The following C17orf107 variants were observed in gnomAD, a reference collection of about 807,000 sequenced individuals.
C17orf107 encodes chromosome 17 open reading frame 107, also known as uncharacterized protein C17orf107.
Under a neutral mutation model 8.9 loss-of-function variants are expected in C17orf107, and 9 were observed. The ratio of observed to expected loss-of-function variants is 1.02; its 90% CI spans 0.61 to 1.77. The LOEUF is 1.77. C17orf107 is among the 40% of genes most tolerant of loss of function. The pLI is 0.00. For synonymous variants in C17orf107, 139 were observed against 120.3 expected (o/e 1.16, Z -1.02); for missense variants, 281 against 249.0 (o/e 1.13, Z -0.86).
Position 4,901,961 on chromosome 17 carries a change from G to A in C17orf107, c.*1428G>A. Reference sequence around the variant, plus strand: ...AAATAAGCGAACAGTTCTGCCAATCGAAGGGGAAGTAGGTGACCTCCACTG... The same window carrying A: ...AAATAAGCGAACAGTTCTGCCAATCAAAGGGGAAGTAGGTGACCTCCACTG... On this transcript the variant is annotated 3_prime_UTR_variant, in exon 3 of 3. Coordinates refer to ENST00000381365, the MANE Select transcript of C17orf107 (RefSeq NM_001145536.2). 6.2e-7 allele frequency: 1 copy of A among 1,613,342 alleles called. No homozygotes were observed. Among genetic ancestry groups the A allele is most frequent in the Non-Finnish European group, 8.5e-7 (1 of 1,179,874 alleles).
rs772147163 is a variant in C17orf107 at position 4,901,888 on chromosome 17, C to T, written c.*1355C>T. ...CGGTTGGCCCCGCCCCATAAGGCCCCCCCCCAACAATAATCGTCCGGGCCT... is the reference window on the plus strand; with the variant it reads ...CGGTTGGCCCCGCCCCATAAGGCCCTCCCCCAACAATAATCGTCCGGGCCT... On this transcript the variant is annotated 3_prime_UTR_variant, in exon 3 of 3. Transcript: ENST00000381365. 5 of 1,597,828 alleles carry T rather than the reference C, an allele frequency of 3.1e-6. No homozygotes were observed. Among genetic ancestry groups the T allele is most frequent in the Admixed American group, 1.7e-5 (1 of 59,944 alleles).
rs758914960 is a variant in C17orf107, at chr17:4,900,078, C to T, written c.209C>T (p.Pro70Leu). 191 of 1,550,924 alleles carry T rather than the reference C, an allele frequency of 1.2e-4. 1 individual carries two copies. The highest frequency in any genetic ancestry group is 1.6e-4 in the Admixed American group (8 of 50,990). The change falls in exon 2 of 3, where the codon CCC becomes CTC. Residue 70 changes from proline (P) to leucine (L), a missense_variant. Coordinates refer to ENST00000381365, the MANE Select transcript of C17orf107 (RefSeq NM_001145536.2). ...CAGGGGATGCTGCCTGCCCCGAAGCCCACCCTGGGGCTGGTGTTGAGAGAA... is the reference window on the plus strand; with the variant it reads ...CAGGGGATGCTGCCTGCCCCGAAGCTCACCCTGGGGCTGGTGTTGAGAGAA... ...KMQGMLPAPK[P>L]TLGLVLREAT...
chr17:4,902,358 C>T lies in C17orf107; in HGVS notation c.*1825C>T, dbSNP rs1567639996. On this transcript the variant is annotated 3_prime_UTR_variant, in exon 3 of 3. Transcript: ENST00000381365. The surrounding 1 kb of genome is among the most constrained non-coding windows in gnomAD (Gnocchi z 4.0). ...GGTGGGGGATGGAAGGCCGCGTGCCCTGCATCTCCCACCTGGCGCTGCCTG... is the reference window on the plus strand; with the variant it reads ...GGTGGGGGATGGAAGGCCGCGTGCCTTGCATCTCCCACCTGGCGCTGCCTG... 3 of 1,613,176 alleles carry T rather than the reference C, an allele frequency of 1.9e-6. No homozygotes were observed. Among genetic ancestry groups the T allele is most frequent in the East Asian group, 4.5e-5 (2 of 44,870 alleles).
At position 4,900,633 on chromosome 17, in the gene C17orf107, A is replaced by G. The variant is rs908031850; in HGVS notation, c.*100A>G. On this transcript the variant is annotated 3_prime_UTR_variant, in exon 3 of 3. Transcript: ENST00000381365. Reference sequence around the variant, plus strand: ...GTGACGTCCAGCAGCAGTGAGGAGGACGGCGGACCAGGGACTCCATCCCCG... The same window carrying G: ...GTGACGTCCAGCAGCAGTGAGGAGGGCGGCGGACCAGGGACTCCATCCCCG... The G allele has an allele frequency of 3.4e-6, 5 of 1,486,412 alleles. No individual in the cohort carries two copies. In the Admixed American group the frequency reaches 5.9e-5, roughly 18 times the overall value. 92.1% of individuals were successfully genotyped at this position (1,486,412 alleles called of 1,614,324 possible). A position where few individuals can be genotyped will look rare whatever the true frequency, so the allele number is the denominator to read the frequency against.
downstream of C17orf107, among the ~76,000 whole-genome samples, chr17:4,904,035 T>C (rs1970056447): frequency 6.6e-6 from 1 of 151,474 alleles, no homozygotes; most frequent in African/African-American, 2.4e-5. Flanking sequence ...TTTTTGTATT[T>C]TTTAGTAGAG....
At position 4,901,880 on chromosome 17, in the gene C17orf107, TAA is replaced by T; in HGVS notation, c.*1348_*1349del. The stretch of plus-strand genomic sequence containing the variant: ...GTGCTTCCCGGTTGGCCCCGCCCCA[TAA>T]GGCCCCCCCCCAACAATAATCGTCC... On this transcript the variant is annotated 3_prime_UTR_variant, in exon 3 of 3. Transcript: ENST00000381365. The T allele has an allele frequency of 3.1e-5, 26 of 829,638 alleles. No homozygotes were observed. The highest frequency in any genetic ancestry group is 4.9e-5 in the Non-Finnish European group (25 of 506,600). 51.4% of individuals were successfully genotyped at this position (829,638 alleles called of 1,614,324 possible). A position where few individuals can be genotyped will look rare whatever the true frequency, so the allele number is the denominator to read the frequency against.
chr17:4,901,630 G>A lies in C17orf107; in HGVS notation c.*1097G>A, dbSNP rs766711118. On this transcript the variant is annotated 3_prime_UTR_variant, in exon 3 of 3. Transcript: ENST00000381365. Reference sequence around the variant, plus strand: ...TCGGCATTGTACGTCTGAGAGCTGCGGAGCCAGGGCCGGGAGCCCACCCCA... The same window carrying A: ...TCGGCATTGTACGTCTGAGAGCTGCAGAGCCAGGGCCGGGAGCCCACCCCA... The A allele has an allele frequency of 2.2e-5, 35 of 1,613,608 alleles. No homozygotes were observed. The highest frequency in any genetic ancestry group is 2.0e-4 in the South Asian group (18 of 91,076).
chr17:4,900,415 G>A lies in C17orf107; in HGVS notation c.455G>A (p.Trp152Ter), dbSNP rs1170398795. 14 of 1,550,956 alleles carry A rather than the reference G, an allele frequency of 9.0e-6. No homozygotes were observed. Among genetic ancestry groups the A allele is most frequent in the South Asian group, 5.9e-5 (5 of 84,062 alleles). Residue 152 changes from tryptophan to a stop codon, truncating the protein, a stop_gained, in exon 3 of 3, where the codon TGG (tryptophan) becomes TAG (stop). Coordinates refer to ENST00000381365, the MANE Select transcript of C17orf107 (RefSeq NM_001145536.2). LOFTEE classifies it low-confidence loss of function (END_TRUNC). Reference sequence around the variant, plus strand: ...GCCCGGCTCCTAGTCCAGGGAGCATGGCTATGCCTGTGTGGACGGGGTCTG... The same window carrying A: ...GCCCGGCTCCTAGTCCAGGGAGCATAGCTATGCCTGTGTGGACGGGGTCTG... ...ASARLLVQGA[W>*]LCLCGRGLQG...
chr17:4,905,925 T>C (rs1486060434), downstream of C17orf107, among the ~76,000 whole-genome samples: 2 of 152,176 alleles, frequency 1.3e-5, no homozygotes, highest in Non-Finnish European at 2.9e-5. Context: ...TGGAACTTAC[T>C]AGACCAGTGT....
chr17:4,899,612 G>A lies in C17orf107; in HGVS notation c.-151G>A, dbSNP rs1444959949. Reference sequence around the variant, plus strand: ...GGAGCCCGGAAGGCATGACATCACCGTTCCTCCTCCCAGCTACCGAAGGCG... The same window carrying A: ...GGAGCCCGGAAGGCATGACATCACCATTCCTCCTCCCAGCTACCGAAGGCG... On this transcript the variant is annotated 5_prime_UTR_variant, in exon 1 of 3. Transcript: ENST00000381365. 1 of 1,513,246 alleles carries A rather than the reference G, an allele frequency of 6.6e-7. No homozygotes were observed. 93.7% of individuals were successfully genotyped at this position (1,513,246 alleles called of 1,614,324 possible). A position where few individuals can be genotyped will look rare whatever the true frequency, so the allele number is the denominator to read the frequency against.
chr17:4,900,895 T>G lies in C17orf107; in HGVS notation c.*362T>G, dbSNP rs1969960650. ...CAGGACGTTGATGGAGACCGTGCAT[T>G]TCTGGCCGCCGGCTGGAGGGAGAGC... is the stretch of plus-strand genomic sequence containing the variant. On this transcript the variant is annotated 3_prime_UTR_variant, in exon 3 of 3. Transcript: ENST00000381365. 6.2e-7 allele frequency: 1 copy of G among 1,614,106 alleles called. No homozygotes were observed. The highest frequency in any genetic ancestry group is 8.5e-7 in the Non-Finnish European group (1 of 1,179,968).
chr17:4,902,999 CT>C (rs1332230607), downstream of C17orf107: 3 of 1,614,090 alleles, frequency 1.9e-6, no homozygotes, highest in Non-Finnish European at 2.5e-6. The surrounding 1 kb of genome is among the most constrained non-coding windows in gnomAD (Gnocchi z 4.0). Flanking sequence ...CCAATTGCCC[CT>C]CTAGCCCCTG....
chr17:4,900,416 G>A lies in C17orf107; in HGVS notation c.456G>A (p.Trp152Ter), dbSNP rs35400274. The A allele has an allele frequency of 0.15, 237,141 of 1,550,838 alleles. 20,474 individuals are homozygous for A. Among genetic ancestry groups the A allele is most frequent in the African/African-American group, 0.37 (26,908 of 73,148 alleles). The part of the protein sequence containing the change: ...ASARLLVQGA[W>*]LCLCGRGLQG... Reference sequence around the variant, plus strand: ...CCCGGCTCCTAGTCCAGGGAGCATGGCTATGCCTGTGTGGACGGGGTCTGC... The same window carrying A: ...CCCGGCTCCTAGTCCAGGGAGCATGACTATGCCTGTGTGGACGGGGTCTGC... Residue 152 changes from tryptophan to a stop codon, truncating the protein, a stop_gained, in exon 3 of 3, where the codon TGG becomes TGA. Transcript: ENST00000381365. LOFTEE classifies it low-confidence loss of function (END_TRUNC).
In C17orf107 at chr17:4,901,540, T is replaced by A; in HGVS notation, c.*1007T>A. 6.2e-7 allele frequency: 1 copy of A among 1,614,124 alleles called. No individual in the cohort carries two copies. The highest frequency in any genetic ancestry group is 8.5e-7 in the Non-Finnish European group (1 of 1,179,986). ...GGGGCTTCACCAGTATAGGCCTCTG[T>A]GTCGATGTCGATCTTGTTGATGGTC... is the stretch of plus-strand genomic sequence containing the variant. On this transcript the variant is annotated 3_prime_UTR_variant, in exon 3 of 3. Transcript: ENST00000381365.
At position 4,902,899 on chromosome 17, in the gene C17orf107, T is replaced by A; in HGVS notation, c.*2366T>A. 1 of 1,582,656 alleles carries A rather than the reference T, an allele frequency of 6.3e-7. No individual in the cohort carries two copies. Among genetic ancestry groups the A allele is most frequent in the South Asian group, 1.1e-5 (1 of 90,370 alleles). ...TATCTGTCTCCTAAACCAATTATGC[T>A]GTGCCTGGGAACGAAATACTGTGTC... On this transcript the variant is annotated 3_prime_UTR_variant, in exon 3 of 3. Coordinates refer to ENST00000381365, the MANE Select transcript of C17orf107 (RefSeq NM_001145536.2). The surrounding 1 kb of genome is among the most constrained non-coding windows in gnomAD (Gnocchi z 4.0).
downstream of C17orf107, among the ~76,000 whole-genome samples, chr17:4,905,232 A>C (rs538332260): frequency 2.0e-5 from 3 of 152,274 alleles, no homozygotes; most frequent in South Asian, 6.2e-4. Context: ...ATCTGTAGCT[A>C]GGGTGAATCA....
Position 4,901,498 on chromosome 17 carries a change from G to C in C17orf107, c.*965G>C. 1.2e-6 allele frequency: 2 copies of C among 1,608,588 alleles called. No individual in the cohort carries two copies. Among genetic ancestry groups the C allele is most frequent in the Non-Finnish European group, 1.7e-6 (2 of 1,174,918 alleles). On this transcript the variant is annotated 3_prime_UTR_variant, in exon 3 of 3. Coordinates refer to ENST00000381365, the MANE Select transcript of C17orf107 (RefSeq NM_001145536.2). ...CTCTCTGGACCCCGTCTAGAAGCGG[G>C]TTTTTCTGAGCAGGCAGGGGCTTCA...
chr17:4,900,521 C>G lies in C17orf107; in HGVS notation c.561C>G (p.His187Gln). The change falls in exon 3 of 3, where the codon CAC becomes CAG. Residue 187 changes from histidine to glutamine, a missense_variant. Physicochemically the swap from His to Gln is conservative, Grantham distance 24. Coordinates refer to ENST00000381365, the MANE Select transcript of C17orf107 (RefSeq NM_001145536.2). ...CCGGAGAACCGGTGAGCTCAGGACA[C>G]GGGGTGAGTTAGGGGCCAGAGGCGG... ...GIPGEPVSSG[H>Q]GVS 1.3e-6 allele frequency: 2 copies of G among 1,550,792 alleles called. No individual in the cohort carries two copies. The highest frequency in any genetic ancestry group is 1.7e-6 in the Non-Finnish European group (2 of 1,146,970).
downstream of C17orf107, among the ~76,000 whole-genome samples, chr17:4,903,345 C>T (rs1970044174): frequency 6.6e-6 from 1 of 152,178 alleles, no homozygotes; most frequent in Non-Finnish European, 1.5e-5. Flanking sequence ...TGAGAGGCAC[C>T]TGCAACCACA....
Sources: allele counts gnomAD v4.1 joint callset (sites outside exome capture counted in the v4.1 genomes callset), GRCh38; gene constraint gnomAD v4.1.1; non-coding constraint Gnocchi (gnomAD v3.1); transcripts MANE v1.5; gene names NCBI Gene and HGNC (gene_info 2026-07-23, HGNC 2026-07-21).